Variants in EPB41L2 observed in about 807,000 individuals in gnomAD.
EPB41L2 encodes the protein erythrocyte membrane protein band 4.1 like 2.
EPB41L2 carries 43 observed loss-of-function variants against 113.0 expected under a neutral mutation model. The ratio of observed to expected loss-of-function variants is 0.38; its 90% CI spans 0.30 to 0.49. The LOEUF (loss-of-function observed/expected upper bound fraction) is 0.49, where lower values mean the gene tolerates loss of function less well. Ranked by LOEUF, EPB41L2 falls within the 20% of genes least tolerant of loss-of-function variation. The pLI is 0.95. For missense variants in EPB41L2, 1,147 were observed against 1,223.4 expected, an observed-to-expected ratio of 0.94 and a Z score of 0.93; for synonymous variants, 442 against 436.7, an observed-to-expected ratio of 1.01 and a Z score of -0.15.
At chr6:130,927,934 A>T (rs1805301790) in intron 3 of EPB41L2, among the ~76,000 whole-genome samples, 1 of 152,002 alleles carries the variant, frequency 6.6e-6, no homozygotes, top group Admixed American at 6.6e-5. Flanking sequence ...CTCTACAAAA[A>T]ATACAAACGT....
intron 19 of EPB41L2, among the ~76,000 whole-genome samples, chr6:130,851,979 T>C (rs1329870024): frequency 5.3e-5 from 8 of 152,210 alleles, no homozygotes; most frequent in Non-Finnish European, 7.3e-5. Context: ...ATCTCTCTCC[T>C]GCTCAGAAGC....
intron 1 of EPB41L2, among the ~76,000 whole-genome samples, chr6:130,969,688 C>G (rs1256273828): frequency 6.6e-6 from 1 of 152,088 alleles, no homozygotes; most frequent in African/African-American, 2.4e-5. Context: ...TCTCTGATAG[C>G]TACAGTACAA....
chr6:131,044,580 GA>G lies in EPB41L2; in HGVS notation c.-15+18574del, dbSNP rs377150299. On this transcript the variant is annotated intron_variant, in intron 1 of 19. Transcript: ENST00000337057. Reference sequence around the variant, plus strand: ...TGGGAATCATAAAATCTTTAGCTTGGAAGATACCCCGGTGGTCACAAAGCTC... The same window carrying G: ...TGGGAATCATAAAATCTTTAGCTTGGAGATACCCCGGTGGTCACAAAGCTC... Among the ~76,000 whole-genome samples, 951 of 152,116 alleles carry G rather than the reference GA, an allele frequency of 6.3e-3. 8 individuals are homozygous for G. The highest frequency in any genetic ancestry group is 0.011 in the Non-Finnish European group (734 of 68,004).
At chr6:130,884,965 A>C (rs1790474680) in intron 12 of EPB41L2, 131 bp downstream of exon 12, 2 of 1,048,442 alleles carry the variant, frequency 1.9e-6, no homozygotes, top group Non-Finnish European at 1.4e-6. Context: ...GCATATTTGA[A>C]AACATAAATG....
intron 1 of EPB41L2, among the ~76,000 whole-genome samples, chr6:131,050,995 A>G (rs13437326): frequency 0.35 from 52,557 of 152,154 alleles, 9,253 homozygotes; most frequent in Non-Finnish European, 0.38. Context: ...CCTCTGATAC[A>G]TAACAAAAAC....
At chr6:130,880,492 G>T in intron 12 of EPB41L2, 1 of 650,712 alleles carries the variant, frequency 1.5e-6, no homozygotes, top group South Asian at 1.7e-5. Flanking sequence ...ATCTTCGCCT[G>T]AAAAGTCACA....
chr6:130,870,097 C>A lies in EPB41L2; in HGVS notation c.2073G>T (p.Glu691Asp), dbSNP rs949391030. The A allele has an allele frequency of 6.2e-6, 10 of 1,613,208 alleles. No homozygotes were observed. Among genetic ancestry groups the A allele is most frequent in the Admixed American group, 5.0e-5 (3 of 59,962 alleles). ...TCCCAACCTCTGCCCGCTTCTTCTC[C>A]TCCACTATATTCAGAGTCTCATGTG... ...GSSHETLNIVEEKKRAEVGKD... is the reference protein window; with the variant it reads ...GSSHETLNIVDEKKRAEVGKD... Residue 691 changes from glutamate to aspartate, a missense_variant, in exon 15 of 20, where the codon GAG (glutamate) becomes GAT (aspartate). Transcript: ENST00000337057.
chr6:131,058,913 G>A (rs2128207825), intron 1 of EPB41L2, among the ~76,000 whole-genome samples: 1 of 152,246 alleles, frequency 6.6e-6, no homozygotes, highest in Admixed American at 6.5e-5. Context: ...CTACTTGGAA[G>A]GCTGAAGCAC....
At chr6:131,004,549 A>C (rs1785028139) in intron 1 of EPB41L2, among the ~76,000 whole-genome samples, 1 of 152,184 alleles carries the variant, frequency 6.6e-6, no homozygotes, top group African/African-American at 2.4e-5. Flanking sequence ...CAACACTTCT[A>C]AGGAAAGCAT....
rs1288504082 is a variant in EPB41L2, at chr6:131,055,488, A to G, written c.-15+7667T>C. Among the ~76,000 whole-genome samples the G allele has an allele frequency of 9.2e-5, 14 of 152,246 alleles. No homozygotes were observed. The East Asian group carries it at 2.7e-3, about 29-fold the overall frequency. ...TAGTACTCAGGTCTGCTTCATAATC[A>G]TACCTTTACACAAAAAACTACATGG... On this transcript the variant is annotated intron_variant, in intron 1 of 19. Transcript: ENST00000337057.
chr6:131,012,862 C>T (rs1328163852), intron 1 of EPB41L2, among the ~76,000 whole-genome samples: 1 of 152,210 alleles, frequency 6.6e-6, no homozygotes, highest in African/African-American at 2.4e-5. Context: ...CAAACCAACT[C>T]TATCTTCATT....
At chr6:131,023,743 A>ATC (rs1174342425) in intron 1 of EPB41L2, among the ~76,000 whole-genome samples, 1 of 100,704 alleles carries the variant, frequency 9.9e-6, no homozygotes, top group South Asian at 3.6e-4. Context: ...ATATATCTAT[A>ATC]TATCTATATA....
In EPB41L2 at chr6:130,839,775, GC is replaced by G. The variant is rs1244672972; in HGVS notation, c.*828del. On this transcript the variant is annotated 3_prime_UTR_variant, in exon 20 of 20. Transcript: ENST00000337057. Reference sequence around the variant, plus strand: ...AAAGAAAGCACTAAGGTTTTAAGCTGCCTGAATCTTTTAGTAGAAGGGAAGA... The same window carrying G: ...AAAGAAAGCACTAAGGTTTTAAGCTGCTGAATCTTTTAGTAGAAGGGAAGA... The G allele has an allele frequency of 6.6e-6, 1 of 152,250 alleles. No homozygotes were observed. Among genetic ancestry groups the G allele is most frequent in the Non-Finnish European group, 1.5e-5 (1 of 68,048 alleles). The allele number at this position is 152,250 out of a possible 1,614,324, so 9.4% of individuals were successfully genotyped here.
At chr6:130,889,069 T>C (rs1791952336) in intron 11 of EPB41L2, among the ~76,000 whole-genome samples, 1 of 152,142 alleles carries the variant, frequency 6.6e-6, no homozygotes, top group South Asian at 2.1e-4. Flanking sequence ...ATTTAAAATA[T>C]AAGTTGTTCG....
chr6:130,872,097 T>C (rs75654506), intron 14 of EPB41L2, among the ~76,000 whole-genome samples: 6,982 of 152,308 alleles, frequency 0.046, 239 homozygotes, highest in East Asian at 0.12. Flanking sequence ...GGTTTCCCTC[T>C]GCTTAACAGC....
chr6:130,891,424 TTTATTTAC>T lies in EPB41L2; in HGVS notation c.1488-966_1488-959del, dbSNP rs1379117570. On this transcript the variant is annotated intron_variant, in intron 10 of 19. Coordinates refer to ENST00000337057, the MANE Select transcript of EPB41L2 (RefSeq NM_001431.4). ...CAAGGGTGTCAGCTTTATTTATTTATTTATTTACTTACTTACTTACTTACTTACTTATT... is the reference window on the plus strand; with the variant it reads ...CAAGGGTGTCAGCTTTATTTATTTATTTACTTACTTACTTACTTACTTATT... Among the ~76,000 whole-genome samples, 16 of 92,758 alleles carry T rather than the reference TTTATTTAC, an allele frequency of 1.7e-4. 1 individual carries two copies. In the South Asian group the frequency reaches 4.7e-3, roughly 27 times the overall value. 60.9% of individuals were successfully genotyped at this position (92,758 alleles called of 152,430 possible).
chr6:130,949,642 C>A (rs1390501856), intron 3 of EPB41L2, among the ~76,000 whole-genome samples: 1 of 151,086 alleles, frequency 6.6e-6, no homozygotes, highest in Admixed American at 6.6e-5. Flanking sequence ...GAGGGGAGAC[C>A]CAAATGGGAT....
At chr6:131,009,961 G>C (rs988816412) in intron 1 of EPB41L2, among the ~76,000 whole-genome samples, 7 of 152,202 alleles carry the variant, frequency 4.6e-5, no homozygotes, top group Admixed American at 3.9e-4. Context: ...AATCAGGCAT[G>C]TTCAATTTGC....
chr6:130,943,343 T>G (rs1460822663), intron 3 of EPB41L2, among the ~76,000 whole-genome samples: 2 of 152,264 alleles, frequency 1.3e-5, no homozygotes, highest in African/African-American at 4.8e-5. Flanking sequence ...AAACTGATTT[T>G]AAAGCATAAA....
Sources: gnomAD v4.1 joint callset for allele counts (sites outside exome capture counted in the v4.1 genomes callset) on GRCh38, gnomAD v4.1.1 for gene constraint, MANE v1.5 for transcripts, NCBI Gene and HGNC (gene_info 2026-07-23, HGNC 2026-07-21) for gene names.